FMO1: variants seen among roughly 807,000 people sequenced by gnomAD.
FMO1 encodes the protein flavin-containing monooxygenase 1.
A neutral mutation model predicts 45.4 loss-of-function variants in FMO1; 36 were observed. That is an observed-to-expected ratio of 0.79 (90% CI 0.61 to 1.05). The LOEUF is 1.05. Ranked by LOEUF, FMO1 falls within the 50% of genes least tolerant of loss-of-function variation. FMO1 has a pLI of 0.00. For synonymous variants in FMO1, 228 were observed against 227.2 expected (o/e 1.00, Z -0.03); for missense variants, 615 against 640.3 (o/e 0.96, Z 0.43).
chr1:171,270,947 C>T, intron 3 of FMO1: 1 of 847,606 alleles, frequency 1.2e-6, no homozygotes. Context: ...CCGCTAGAAC[C>T]AACTTATTCA....
chr1:171,256,599 A>G (rs770272832), intron 1 of FMO1, among the ~76,000 whole-genome samples: 11 of 152,114 alleles, frequency 7.2e-5, no homozygotes, highest in Non-Finnish European at 1.5e-4. Flanking sequence ...TTGCTATGGG[A>G]AGCAACCAGC....
In FMO1 at chr1:171,267,721, T is replaced by A; in HGVS notation, c.311T>A (p.Ile104Asn). ...AACCACTTTGACCTTCTGAAACACA[T>A]TCAATTCAAGGTAAGACACAAAACA... is the stretch of plus-strand genomic sequence containing the variant. ...YANHFDLLKH[I>N]QFKTKVCSVT... Residue 104 changes from isoleucine to asparagine, a missense_variant, in exon 3 of 9, where the codon ATT becomes AAT. Ile to Asn is a moderately radical substitution (Grantham distance 149, BLOSUM62 -3). Transcript: ENST00000617670. 1 of 1,608,574 alleles carries A rather than the reference T, an allele frequency of 6.2e-7. No individual in the cohort carries two copies. Among genetic ancestry groups the A allele is most frequent in the Non-Finnish European group, 8.5e-7 (1 of 1,177,522 alleles).
intron 4 of FMO1, among the ~76,000 whole-genome samples, chr1:171,277,906 T>A (rs1037672991): frequency 2.0e-5 from 3 of 152,180 alleles, no homozygotes; most frequent in Non-Finnish European, 2.9e-5. Context: ...GTCTTATTAC[T>A]TTTTTTAGGA....
At chr1:171,273,186 T>A (rs577531431) in intron 3 of FMO1, among the ~76,000 whole-genome samples, 1 of 152,298 alleles carries the variant, frequency 6.6e-6, no homozygotes, top group African/African-American at 2.4e-5. Flanking sequence ...CCATGTAAGA[T>A]ATGACTTGCT....
chr1:171,274,298 T>C (rs1215702634), intron 3 of FMO1, among the ~76,000 whole-genome samples: 1 of 151,752 alleles, frequency 6.6e-6, no homozygotes, highest in African/African-American at 2.4e-5. Context: ...TCTCACTCTG[T>C]TGCCCAGGCT....
Position 171,280,935 on chromosome 1 carries a change from G to T in FMO1, c.777G>T (p.Lys259Asn). The T allele has an allele frequency of 6.2e-7, 1 of 1,613,934 alleles. No individual in the cohort carries two copies. Among genetic ancestry groups the T allele is most frequent in the Non-Finnish European group, 8.5e-7 (1 of 1,179,864 alleles). Reference protein sequence around the residue: ...TPIVTWLMERKINNWLNHANY... With the variant: ...TPIVTWLMERNINNWLNHANY... ...TTGTGACTTGGTTGATGGAGCGAAA[G>T]ATAAACAACTGGCTCAATCATGCAA... The change falls in exon 6 of 9, where the codon AAG (lysine) becomes AAT (asparagine). Residue 259 changes from lysine (K) to asparagine (N), a missense_variant. Coordinates refer to ENST00000617670, the MANE Select transcript of FMO1 (RefSeq NM_001282693.2).
At chr1:171,274,113 C>T (rs1018535450) in intron 3 of FMO1, among the ~76,000 whole-genome samples, 30 of 147,718 alleles carry the variant, frequency 2.0e-4, no homozygotes, top group African/African-American at 7.3e-4. Flanking sequence ...TGCACCACTG[C>T]ACTCCAGCCT....
chr1:171,270,654 T>C, intron 3 of FMO1: 1 of 1,006,002 alleles, frequency 9.9e-7, no homozygotes, highest in Non-Finnish European at 1.2e-6. Flanking sequence ...AAAACTACCA[T>C]CCCCATATAT....
chr1:171,261,401 C>A (rs1660373925), intron 2 of FMO1, among the ~76,000 whole-genome samples: 1 of 151,924 alleles, frequency 6.6e-6, no homozygotes, highest in Admixed American at 6.6e-5. Flanking sequence ...CCTGTAAAAT[C>A]AAAAACCCTG....
intron 8 of FMO1, among the ~76,000 whole-genome samples, chr1:171,284,681 A>G (rs1661542707): frequency 6.6e-6 from 1 of 151,086 alleles, no homozygotes; most frequent in Non-Finnish European, 1.5e-5. Flanking sequence ...GCAGTGAGCT[A>G]TGATCATGCC....
chr1:171,262,703 C>T (rs541580005), intron 2 of FMO1, among the ~76,000 whole-genome samples: 11 of 152,318 alleles, frequency 7.2e-5, no homozygotes, highest in Non-Finnish European at 8.8e-5. Flanking sequence ...ATTTCTAAAA[C>T]GTCTATTCGT....
rs1029897225 is a variant in FMO1, at chr1:171,271,516, C to T, written c.321+3785C>T. Reference sequence around the variant, plus strand: ...TCTGGGTGCTGCTTCTTATGCTCTTCCCGACAAGTTTGCACAAAAAATGCA... The same window carrying T: ...TCTGGGTGCTGCTTCTTATGCTCTTTCCGACAAGTTTGCACAAAAAATGCA... On this transcript the variant is annotated intron_variant, in intron 3 of 8. Transcript: ENST00000617670. The T allele has an allele frequency of 1.5e-5, 13 of 885,908 alleles. No homozygotes were observed. The African/African-American group carries it at 2.0e-4, about 13-fold the overall frequency. 54.9% of individuals were successfully genotyped at this position (885,908 alleles called of 1,614,324 possible). A position where few individuals can be genotyped will look rare whatever the true frequency, so the allele number is the denominator to read the frequency against.
At chr1:171,282,740 C>T (rs1661417554) in intron 7 of FMO1, 1 of 222,320 alleles carries the variant, frequency 4.5e-6, no homozygotes, top group East Asian at 1.2e-4. Context: ...ACCTCAGTCT[C>T]CTGAGTAGTG....
intron 2 of FMO1, 75 bp from the exon 3 acceptor site, chr1:171,267,468 C>G (rs1660663549): frequency 2.0e-6 from 2 of 1,024,768 alleles, no homozygotes; most frequent in Non-Finnish European, 2.9e-6. Flanking sequence ...CTGTGTGCAT[C>G]TGGACCGGTG....
At chr1:171,281,035 C>T (rs781530609) in intron 6 of FMO1, 50 bp downstream of exon 6, 2 of 1,498,220 alleles carry the variant, frequency 1.3e-6, no homozygotes, top group Non-Finnish European at 1.9e-6. Context: ...GAGCCTCTGC[C>T]TGTCCAGCAG....
intron 1 of FMO1, 45 bp downstream of exon 1, chr1:171,248,668 T>C (rs1250894982): frequency 6.6e-6 from 1 of 152,016 alleles, no homozygotes; most frequent in Non-Finnish European, 1.5e-5. Context: ...ATGAGGAAAG[T>C]GGGGTCTGGA....
In FMO1 at chr1:171,258,062, G is replaced by A; in HGVS notation, c.-6-20G>A. The A allele has an allele frequency of 6.2e-7, 1 of 1,613,726 alleles. No individual in the cohort carries two copies. Among genetic ancestry groups the A allele is most frequent in the South Asian group, 1.1e-5 (1 of 91,068 alleles). On this transcript the variant is annotated intron_variant, in intron 1 of 8. Coordinates refer to ENST00000617670, the MANE Select transcript of FMO1 (RefSeq NM_001282693.2). ...GGTGGAGCTTGTGAATAAAAAGCCTGCTTCATCTTCCTCATGCAGGAGAAC... is the reference window on the plus strand; with the variant it reads ...GGTGGAGCTTGTGAATAAAAAGCCTACTTCATCTTCCTCATGCAGGAGAAC...
intron 1 of FMO1, among the ~76,000 whole-genome samples, chr1:171,255,179 A>G (rs532407276): frequency 6.6e-6 from 1 of 152,310 alleles, no homozygotes; most frequent in African/African-American, 2.4e-5. Context: ...AATATTTGTC[A>G]TCTAGATGCT....
rs28360398 is a variant in FMO1 at position 171,275,523 on chromosome 1, G to C, written c.484+15G>C. 0.013 allele frequency: 20,711 copies of C among 1,594,222 alleles called. 191 individuals carry two copies. The highest frequency in any genetic ancestry group is 0.015 in the Non-Finnish European group (17,641 of 1,167,582). On this transcript the variant is annotated intron_variant, in intron 4 of 8. Coordinates refer to ENST00000617670, the MANE Select transcript of FMO1 (RefSeq NM_001282693.2). Reference sequence around the variant, plus strand: ...TTCCTTTCCAGGTACAGCATTTTCTGTAACTAACTTTAAGTTTTCTCGTGG... The same window carrying C: ...TTCCTTTCCAGGTACAGCATTTTCTCTAACTAACTTTAAGTTTTCTCGTGG...
Sources: gnomAD v4.1 joint callset for allele counts (sites outside exome capture counted in the v4.1 genomes callset) on GRCh38, gnomAD v4.1.1 for gene constraint, MANE v1.5 for transcripts, NCBI Gene and HGNC (gene_info 2026-07-23, HGNC 2026-07-21) for gene names.